Variants in PCDHGA12 observed in about 807,000 individuals in gnomAD.
PCDHGA12 encodes the protein protocadherin gamma-A12.
Under a neutral mutation model 61.1 loss-of-function variants are expected in PCDHGA12, and 43 were observed. That is an observed-to-expected ratio of 0.70 (90% confidence interval 0.55 to 0.91). The LOEUF (loss-of-function observed/expected upper bound fraction) is 0.91, where lower values mean the gene tolerates loss of function less well. PCDHGA12 is among the 40% of genes least tolerant of loss of function. The pLI is 0.00. For missense variants in PCDHGA12, 1,236 were observed against 1,227.7 expected (o/e 1.01, Z -0.10); for synonymous variants, 520 against 542.9 (o/e 0.96, Z 0.59).
Position 141,431,248 on chromosome 5 carries a change from G to A in PCDHGA12, c.489G>A (p.Gly163=). ...CCCACGCCTGGGATCCGGATATCGGGAAGAACTCTCTGCAGAGCTACGAGC... is the reference window on the plus strand; with the variant it reads ...CCCACGCCTGGGATCCGGATATCGGAAAGAACTCTCTGCAGAGCTACGAGC... ...PLPHAWDPDI[G]KNSLQSYELS... The change falls in exon 1 of 4, where the codon GGG becomes GGA. Residue 163 remains glycine (G), a synonymous_variant. Transcript: ENST00000252085. This position sits in a 1 kb window ranked among gnomAD's most constrained non-coding sequence, Gnocchi z 4.8. 2 of 1,614,140 alleles carry A rather than the reference G, an allele frequency of 1.2e-6. No homozygotes were observed. Among genetic ancestry groups the A allele is most frequent in the Non-Finnish European group, 1.7e-6 (2 of 1,180,048 alleles).
intron 1 of PCDHGA12, chr5:141,478,602 T>C (rs2099466537): frequency 6.4e-7 from 1 of 1,563,560 alleles, no homozygotes; most frequent in Admixed American, 1.9e-5. Context: ...TCCTACATCA[T>C]ATTGAGGAAG....
intron 2 of PCDHGA12, among the ~76,000 whole-genome samples, chr5:141,504,870 AG>A (rs1453764331): frequency 6.6e-6 from 1 of 151,996 alleles, no homozygotes; most frequent in Non-Finnish European, 1.5e-5. Context: ...CCACCTTCAC[AG>A]TCCTCTGGAG....
intron 1 of PCDHGA12, among the ~76,000 whole-genome samples, 195 bp downstream of exon 1, chr5:141,433,378 T>C (rs1246585250): frequency 6.6e-5 from 10 of 151,072 alleles, no homozygotes. Context: ...TATCTATCTA[T>C]CTATCTATCT....
chr5:141,484,121 C>A (rs1451102473), intron 1 of PCDHGA12, among the ~76,000 whole-genome samples: 1 of 152,152 alleles, frequency 6.6e-6, no homozygotes, highest in African/African-American at 2.4e-5. Context: ...TCAAGAATAC[C>A]TTGGTGTCAG....
At chr5:141,446,102 A>C (rs751362645) in intron 1 of PCDHGA12, among the ~76,000 whole-genome samples, 1 of 152,214 alleles carries the variant, frequency 6.6e-6, no homozygotes, top group Non-Finnish European at 1.5e-5. Context: ...TGAATTATAG[A>C]TATATTTAGG....
intron 1 of PCDHGA12, among the ~76,000 whole-genome samples, chr5:141,445,851 A>G (rs957077325): frequency 2.0e-5 from 3 of 152,210 alleles, no homozygotes; most frequent in African/African-American, 7.2e-5. Context: ...CACACTTAAA[A>G]TTCTGGATTT....
intron 1 of PCDHGA12, among the ~76,000 whole-genome samples, chr5:141,434,409 T>G (rs2097692930): frequency 6.6e-6 from 1 of 152,232 alleles, no homozygotes; most frequent in South Asian, 2.1e-4. Context: ...TCTGCAGCAC[T>G]GTGACATGTT....
intron 2 of PCDHGA12, among the ~76,000 whole-genome samples, chr5:141,502,905 A>T (rs1364939091): frequency 1.5e-5 from 2 of 131,814 alleles, no homozygotes; most frequent in Non-Finnish European, 3.0e-5. Flanking sequence ...CTCTGTTGCC[A>T]GGCTGGAGTG....
At chr5:141,460,425 G>A (rs953425058) in intron 1 of PCDHGA12, among the ~76,000 whole-genome samples, 3 of 152,114 alleles carry the variant, frequency 2.0e-5, no homozygotes. Flanking sequence ...TATGTATGGT[G>A]TATGGTGTGA....
rs750804901 is a variant in PCDHGA12 at position 141,476,422 on chromosome 5, C to G, written c.2425-18385C>G. On this transcript the variant is annotated intron_variant, in intron 1 of 3. Coordinates refer to ENST00000252085, the MANE Select transcript of PCDHGA12 (RefSeq NM_003735.3). The surrounding 1 kb of genome is among the most constrained non-coding windows in gnomAD (Gnocchi z 7.6). ...GAGAGGAGCTGTGTGGGACACTGCC[C>G]TCTTGCACTGTAACTCTGGAGTTGG... 17 of 1,614,026 alleles carry G rather than the reference C, an allele frequency of 1.1e-5. No individual in the cohort carries two copies. The highest frequency in any genetic ancestry group is 1.4e-5 in the Non-Finnish European group (17 of 1,180,030).
At chr5:141,496,838 T>C (rs182118142) in intron 2 of PCDHGA12, among the ~76,000 whole-genome samples, 39 of 150,790 alleles carry the variant, frequency 2.6e-4, no homozygotes, top group African/African-American at 8.3e-4. Flanking sequence ...CCAGAACTCA[T>C]AGGCTTCCAG....
At chr5:141,483,907 C>A (rs545585133) in intron 1 of PCDHGA12, among the ~76,000 whole-genome samples, 1 of 151,240 alleles carries the variant, frequency 6.6e-6, no homozygotes, top group East Asian at 1.9e-4. Context: ...TGGTGTGTTT[C>A]CCACTCAGAT....
chr5:141,469,573 CTAAA>C (rs1209972534), intron 1 of PCDHGA12, among the ~76,000 whole-genome samples: 2 of 151,554 alleles, frequency 1.3e-5, no homozygotes, highest in Non-Finnish European at 2.9e-5. Flanking sequence ...GACTCTGTCT[CTAAA>C]TAAATAAATA....
Position 141,485,057 on chromosome 5 carries a change from C to T in PCDHGA12, c.2425-9750C>T. 1 of 843,720 alleles carries T rather than the reference C, an allele frequency of 1.2e-6. No individual in the cohort carries two copies. The highest frequency in any genetic ancestry group is 1.9e-6 in the Non-Finnish European group (1 of 524,586). 52.3% of individuals were successfully genotyped at this position (843,720 alleles called of 1,614,324 possible). On this transcript the variant is annotated intron_variant, in intron 1 of 3. Transcript: ENST00000252085. This position sits in a 1 kb window ranked among gnomAD's most constrained non-coding sequence, Gnocchi z 5.7. The stretch of plus-strand genomic sequence containing the variant: ...GTAACCCTTGCGGCGCCGGCCGAAC[C>T]GCGCCAGAGCTGGCGCGGGGAAAGG...
Position 141,485,538 on chromosome 5 carries a change from A to T in PCDHGA12, c.2425-9269A>T. ...TTGGAAATGTACCGAGCAGAGGTAG[A>T]GATCGTAGATGTGAATGATCACGCC... On this transcript the variant is annotated intron_variant, in intron 1 of 3. Transcript: ENST00000252085. The surrounding 1 kb of genome is among the most constrained non-coding windows in gnomAD (Gnocchi z 5.7). The T allele has an allele frequency of 6.2e-7, 1 of 1,614,162 alleles. No individual in the cohort carries two copies. Among genetic ancestry groups the T allele is most frequent in the Admixed American group, 1.7e-5 (1 of 60,012 alleles).
intron 2 of PCDHGA12, among the ~76,000 whole-genome samples, chr5:141,503,611 A>AG (rs992110793): frequency 6.6e-6 from 1 of 151,948 alleles, no homozygotes; most frequent in Non-Finnish European, 1.5e-5. Flanking sequence ...AAAAAAAAAA[A>AG]AAAGAAAAAA....
chr5:141,487,593 C>G lies in PCDHGA12; in HGVS notation c.2425-7214C>G. The G allele has an allele frequency of 6.2e-7, 1 of 1,614,206 alleles. No homozygotes were observed. Among genetic ancestry groups the G allele is most frequent in the African/African-American group, 1.3e-5 (1 of 75,062 alleles). On this transcript the variant is annotated intron_variant, in intron 1 of 3. Coordinates refer to ENST00000252085, the MANE Select transcript of PCDHGA12 (RefSeq NM_003735.3). This position sits in a 1 kb window ranked among gnomAD's most constrained non-coding sequence, Gnocchi z 5.0. ...CCTGTTCGCCCAAGCTGCCCACCCT[C>G]TGATCTTCTCTATGGGCTAGAGGTG...
chr5:141,431,858 G>T lies in PCDHGA12; in HGVS notation c.1099G>T (p.Ala367Ser), dbSNP rs1421209596. The change falls in exon 1 of 4, where the codon GCC becomes TCC. Residue 367 changes from alanine to serine, a missense_variant. By Grantham distance (99) the Ala-to-Ser change is moderately conservative. Coordinates refer to ENST00000252085, the MANE Select transcript of PCDHGA12 (RefSeq NM_003735.3). This position sits in a 1 kb window ranked among gnomAD's most constrained non-coding sequence, Gnocchi z 4.8. ...PENSPRGTLI[A>S]LLNVNDQDSE... ...AAACTCTCCCAGAGGGACATTAATTGCCCTTTTAAATGTAAATGACCAAGA... is the reference window on the plus strand; with the variant it reads ...AAACTCTCCCAGAGGGACATTAATTTCCCTTTTAAATGTAAATGACCAAGA... 6.8e-6 allele frequency: 11 copies of T among 1,614,080 alleles called. No homozygotes were observed. The highest frequency in any genetic ancestry group is 8.5e-6 in the Non-Finnish European group (10 of 1,180,028).
Position 141,499,370 on chromosome 5 carries a change from A to T in PCDHGA12, c.2483+4505A>T, listed in dbSNP as rs546430948. ...CATTCAACAAACAAATAGCAACTTA[A>T]TTTTTTTCCACTTATAAAATAGTAC... On this transcript the variant is annotated intron_variant, in intron 2 of 3. Coordinates refer to ENST00000252085, the MANE Select transcript of PCDHGA12 (RefSeq NM_003735.3). 2.0e-3 allele frequency among the ~76,000 whole-genome samples: 300 copies of T among 152,286 alleles called. 1 individual carries two copies. The highest frequency in any genetic ancestry group is 2.7e-3 in the Non-Finnish European group (184 of 68,028).
Sources: gnomAD v4.1 joint callset for allele counts (sites outside exome capture counted in the v4.1 genomes callset) on GRCh38, gnomAD v4.1.1 for gene constraint, Gnocchi (gnomAD v3.1) non-coding constraint, MANE v1.5 for transcripts, NCBI Gene and HGNC (gene_info 2026-07-23, HGNC 2026-07-21) for gene names.